Variants in EFNA5 observed in about 807,000 individuals in gnomAD.
EFNA5 encodes ephrin A5.
A neutral mutation model predicts 22.9 loss-of-function variants in EFNA5; 5 were observed. The observed-to-expected ratio is 0.22, with a 90% CI of 0.11 to 0.46. The LOEUF (loss-of-function observed/expected upper bound fraction) is 0.46. EFNA5 is among the 20% of genes least tolerant of loss of function. The probability of loss-of-function intolerance (pLI) is 0.99; values close to 1 mark genes in which losing one functional copy is unlikely to be tolerated. For synonymous variants in EFNA5, 113 were observed against 112.2 expected, an observed-to-expected ratio of 1.01 and a Z score of -0.04; for missense variants, 237 against 293.3, an observed-to-expected ratio of 0.81 and a Z score of 1.40.
At chr5:107,642,899 T>C (rs1750556566) in intron 1 of EFNA5, among the ~76,000 whole-genome samples, 1 of 150,120 alleles carries the variant, frequency 6.7e-6, no homozygotes, top group Non-Finnish European at 1.5e-5. Context: ...GTTTTGTGTG[T>C]CATCTAAAAT....
chr5:107,384,043 T>C (rs539915648), intron 4 of EFNA5, among the ~76,000 whole-genome samples: 129 of 152,312 alleles, frequency 8.5e-4, no homozygotes, highest in African/African-American at 3.0e-3. Context: ...AAGCATCCTT[T>C]GATTAAAACA....
chr5:107,650,762 A>G (rs1750712648), intron 1 of EFNA5, among the ~76,000 whole-genome samples: 1 of 152,202 alleles, frequency 6.6e-6, no homozygotes, highest in African/African-American at 2.4e-5. Context: ...GTCTTCAAAA[A>G]TAGCTCTATA....
intron 1 of EFNA5, among the ~76,000 whole-genome samples, chr5:107,450,293 T>A (rs1224263592): frequency 6.6e-6 from 1 of 152,130 alleles, no homozygotes; most frequent in Non-Finnish European, 1.5e-5. Context: ...GTTTTTTTGC[T>A]CCTCTAGATG....
intron 1 of EFNA5, among the ~76,000 whole-genome samples, chr5:107,577,535 C>T (rs1748950564): frequency 1.3e-5 from 2 of 152,036 alleles, no homozygotes; most frequent in Non-Finnish European, 2.9e-5. Context: ...ACATCCAAGG[C>T]CCACTTATCT....
intron 1 of EFNA5, among the ~76,000 whole-genome samples, chr5:107,660,296 A>T (rs1454736543): frequency 4.1e-5 from 4 of 96,642 alleles, no homozygotes; most frequent in Non-Finnish European, 8.9e-5. Flanking sequence ...ATATATATAT[A>T]TATATATATA....
chr5:107,558,244 T>TA (rs2112474826), intron 1 of EFNA5, among the ~76,000 whole-genome samples: 1 of 152,262 alleles, frequency 6.6e-6, no homozygotes, highest in African/African-American at 2.4e-5. Flanking sequence ...CTGTACTACA[T>TA]AATGCCACAC....
At chr5:107,627,635 CAAAAAAAAAAA>C (rs758660866) in intron 1 of EFNA5, among the ~76,000 whole-genome samples, 1 of 72,086 alleles carries the variant, frequency 1.4e-5, no homozygotes, top group Non-Finnish European at 2.7e-5. Context: ...GACCACATCT[CAAAAAAAAAAA>C]AAAAAAAAAA....
chr5:107,567,044 T>C (rs1416289445), intron 1 of EFNA5, among the ~76,000 whole-genome samples: 2 of 152,224 alleles, frequency 1.3e-5, no homozygotes, highest in East Asian at 1.9e-4. Flanking sequence ...TTCTATTCAA[T>C]GGCACTTGAA....
At chr5:107,472,179 T>C (rs928187813) in intron 1 of EFNA5, among the ~76,000 whole-genome samples, 2 of 152,174 alleles carry the variant, frequency 1.3e-5, no homozygotes, top group Non-Finnish European at 2.9e-5. Context: ...TTCTCTACAA[T>C]GCTTGGGGGC....
intron 1 of EFNA5, among the ~76,000 whole-genome samples, chr5:107,663,088 C>T (rs1030295703): frequency 6.6e-6 from 1 of 151,884 alleles, no homozygotes; most frequent in Non-Finnish European, 1.5e-5. Flanking sequence ...AATAAGATAG[C>T]GCTTTAAATG....
intron 1 of EFNA5, among the ~76,000 whole-genome samples, chr5:107,533,046 T>C (rs1747852413): frequency 6.6e-6 from 1 of 152,076 alleles, no homozygotes; most frequent in African/African-American, 2.4e-5. Flanking sequence ...TTTATTGGCG[T>C]TGGAGAAGGG....
intron 1 of EFNA5, among the ~76,000 whole-genome samples, chr5:107,576,591 C>T (rs746181032): frequency 1.2e-4 from 18 of 152,140 alleles, no homozygotes; most frequent in Non-Finnish European, 2.1e-4. Context: ...CATAAATTTA[C>T]CCATGGAAAT....
chr5:107,633,426 G>A (rs1401434833), intron 1 of EFNA5, among the ~76,000 whole-genome samples: 1 of 152,190 alleles, frequency 6.6e-6, no homozygotes, highest in Non-Finnish European at 1.5e-5. Context: ...CCCTTCTGAG[G>A]CATCCTGGCG....
intron 2 of EFNA5, among the ~76,000 whole-genome samples, chr5:107,411,623 T>A (rs1748368421): frequency 6.6e-6 from 1 of 152,180 alleles, no homozygotes; most frequent in Non-Finnish European, 1.5e-5. Flanking sequence ...ATAACCAAAC[T>A]CTGGAAGGAA....
chr5:107,546,227 G>A (rs1331988673), intron 1 of EFNA5, among the ~76,000 whole-genome samples: 1 of 152,080 alleles, frequency 6.6e-6, no homozygotes, highest in Non-Finnish European at 1.5e-5. Context: ...CAATTTGTAG[G>A]GGCCGCCCTC....
chr5:107,392,407 T>C (rs1313055050), intron 2 of EFNA5, among the ~76,000 whole-genome samples: 1 of 152,168 alleles, frequency 6.6e-6, no homozygotes, highest in Admixed American at 6.5e-5. Context: ...GAGAGGACCA[T>C]GTAGCAAGAA....
intron 1 of EFNA5, among the ~76,000 whole-genome samples, chr5:107,625,289 G>A (rs1449902438): frequency 1.3e-5 from 2 of 151,958 alleles, no homozygotes; most frequent in Non-Finnish European, 2.9e-5. Flanking sequence ...CACAGGTGAG[G>A]TTTTTGAGAT....
At chr5:107,539,455 C>T (rs1030246426) in intron 1 of EFNA5, among the ~76,000 whole-genome samples, 1 of 152,096 alleles carries the variant, frequency 6.6e-6, no homozygotes, top group Admixed American at 6.6e-5. Context: ...GAATCACTGA[C>T]TTGGAAAACT....
At chr5:107,491,930 G>A (rs1408138318) in intron 1 of EFNA5, among the ~76,000 whole-genome samples, 3 of 152,114 alleles carry the variant, frequency 2.0e-5, no homozygotes, top group Middle Eastern at 3.2e-3. Context: ...CGCCTCCAGG[G>A]ATCAAGCGAT....
Sources: gnomAD v4.1 joint callset for allele counts (sites outside exome capture counted in the v4.1 genomes callset) on GRCh38, gnomAD v4.1.1 for gene constraint, MANE v1.5 for transcripts, NCBI Gene and HGNC (gene_info 2026-07-23, HGNC 2026-07-21) for gene names.